MYT1L: variants seen among roughly 807,000 people sequenced by gnomAD.
MYT1L encodes myelin transcription factor 1 like.
Under a neutral mutation model 126.7 loss-of-function variants are expected in MYT1L, and 12 were observed. The ratio of observed to expected loss-of-function variants is 0.09; its 90% CI spans 0.06 to 0.15. The LOEUF is 0.15. MYT1L is among the 10% of genes least tolerant of loss of function. MYT1L has a pLI of 1.00. For synonymous variants in MYT1L, 541 were observed against 604.2 expected (o/e 0.90, Z 1.53); for missense variants, 979 against 1,585.2 (o/e 0.62, Z 6.49).
chr2:2,165,781 A>C (rs1443600670), intron 3 of MYT1L, among the ~76,000 whole-genome samples: 1 of 151,994 alleles, frequency 6.6e-6, no homozygotes, highest in Non-Finnish European at 1.5e-5. Context: ...ATTATTGAAG[A>C]AGTAAATAAG....
intron 3 of MYT1L, among the ~76,000 whole-genome samples, chr2:2,058,272 A>G (rs1235429757): frequency 3.3e-5 from 5 of 152,110 alleles, no homozygotes; most frequent in African/African-American, 1.2e-4. Context: ...TTCTTACTAC[A>G]TTGTTTTAAA....
intron 13 of MYT1L, among the ~76,000 whole-genome samples, chr2:1,905,279 C>G (rs2050894401): frequency 6.6e-6 from 1 of 151,782 alleles, no homozygotes; most frequent in South Asian, 2.1e-4. Flanking sequence ...AAATAAAGAC[C>G]CAACCAAGCA....
At chr2:1,972,064 C>T (rs1258853177) in intron 8 of MYT1L, among the ~76,000 whole-genome samples, 3 of 152,104 alleles carry the variant, frequency 2.0e-5, no homozygotes, top group Non-Finnish European at 2.9e-5. Flanking sequence ...GGGGGTGAGG[C>T]GTACACAATG....
At chr2:1,975,300 GCA>G (rs1264715231) in intron 8 of MYT1L, among the ~76,000 whole-genome samples, 1 of 152,236 alleles carries the variant, frequency 6.6e-6, no homozygotes, top group Admixed American at 6.5e-5. Flanking sequence ...AGCAGATCCC[GCA>G]GCTGTGGCAG....
intron 3 of MYT1L, among the ~76,000 whole-genome samples, chr2:2,083,536 C>T (rs1051470770): frequency 6.6e-6 from 1 of 152,230 alleles, no homozygotes. Flanking sequence ...CTATCCACTG[C>T]CACTGCAAGC....
At chr2:2,057,962 GT>G (rs2069829091) in intron 3 of MYT1L, among the ~76,000 whole-genome samples, 1 of 152,196 alleles carries the variant, frequency 6.6e-6, no homozygotes, top group Non-Finnish European at 1.5e-5. Context: ...ATGCCTGAGA[GT>G]GGGATAGCTG....
intron 2 of MYT1L, among the ~76,000 whole-genome samples, chr2:2,222,546 T>A (rs1222344861): frequency 6.6e-6 from 1 of 152,128 alleles, no homozygotes; most frequent in African/African-American, 2.4e-5. Context: ...AAATTGTGAA[T>A]GATTTTGAAC....
At chr2:2,308,237 C>A (rs549935067) in intron 1 of MYT1L, among the ~76,000 whole-genome samples, 1 of 151,422 alleles carries the variant, frequency 6.6e-6, no homozygotes, top group African/African-American at 2.4e-5. Context: ...ACCTACGCTT[C>A]GGTATACTCT....
At chr2:2,287,425 T>C (rs2095538505) in intron 1 of MYT1L, among the ~76,000 whole-genome samples, 1 of 152,192 alleles carries the variant, frequency 6.6e-6, no homozygotes, top group Non-Finnish European at 1.5e-5. Flanking sequence ...AGCATCCTGG[T>C]GCAAAATTCT....
chr2:1,838,924 A>G (rs377266558), intron 21 of MYT1L, among the ~76,000 whole-genome samples: 15 of 152,350 alleles, frequency 9.8e-5, no homozygotes, highest in African/African-American at 3.6e-4. Context: ...GTGGTCATCT[A>G]TAGATGGGGC....
rs180706196 is a variant in MYT1L at position 2,212,120 on chromosome 2, C to T, written c.-420-39132G>A. On this transcript the variant is annotated intron_variant, in intron 2 of 24. Transcript: ENST00000647738. ...CTGGGAAAATGGCGGTGTCTATATG[C>T]GTATATAAGCTTTATACTTGGAAAC... 6.0e-3 allele frequency among the ~76,000 whole-genome samples: 918 copies of T among 152,160 alleles called. 4 individuals carry two copies. Among genetic ancestry groups the T allele is most frequent in the Non-Finnish European group, 8.2e-3 (560 of 68,002 alleles).
Position 2,059,040 on chromosome 2 carries a change from G to A in MYT1L, c.-303-4917C>T, listed in dbSNP as rs537016537. 4.1e-4 allele frequency among the ~76,000 whole-genome samples: 63 copies of A among 152,310 alleles called. No homozygotes were observed. The highest frequency in any genetic ancestry group is 1.5e-3 in the African/African-American group (61 of 41,574). On this transcript the variant is annotated intron_variant, in intron 3 of 24. Coordinates refer to ENST00000647738, the MANE Select transcript of MYT1L (RefSeq NM_001303052.2). This position sits in a 1 kb window ranked among gnomAD's most constrained non-coding sequence, Gnocchi z 4.7. ...GTGACTGCAGTTTATATAAACTCAA[G>A]GACAATTGGGTCATGTCTGCTGTTT...
At chr2:2,211,785 C>T (rs1572500830) in intron 2 of MYT1L, among the ~76,000 whole-genome samples, 1 of 111,464 alleles carries the variant, frequency 9.0e-6, no homozygotes, top group Admixed American at 1.2e-4. Flanking sequence ...AGCCTGGGGA[C>T]AGAGAGAGAC....
At chr2:1,816,837 G>C (rs1337467773) in intron 21 of MYT1L, 1 of 152,670 alleles carries the variant, frequency 6.6e-6, no homozygotes, top group East Asian at 1.9e-4. Context: ...CCGGCTGGGG[G>C]CCTGGGGCCT....
At chr2:2,276,462 C>T (rs1294123436) in intron 2 of MYT1L, among the ~76,000 whole-genome samples, 1 of 152,146 alleles carries the variant, frequency 6.6e-6, no homozygotes, top group Non-Finnish European at 1.5e-5. Flanking sequence ...CTTTTACAAC[C>T]ACACAAAGAA....
chr2:1,955,353 T>C (rs1426786534), intron 8 of MYT1L, among the ~76,000 whole-genome samples: 1 of 152,138 alleles, frequency 6.6e-6, no homozygotes, highest in African/African-American at 2.4e-5. Context: ...TATTTTTACT[T>C]TGATGATGGA....
At chr2:2,320,376 G>C (rs1031119363) in intron 1 of MYT1L, among the ~76,000 whole-genome samples, 1 of 151,906 alleles carries the variant, frequency 6.6e-6, no homozygotes, top group African/African-American at 2.4e-5. Flanking sequence ...GGGATGGACA[G>C]GGTTAAATTC....
chr2:2,107,427 C>T (rs924790131), intron 3 of MYT1L, among the ~76,000 whole-genome samples: 1 of 152,190 alleles, frequency 6.6e-6, no homozygotes, highest in Non-Finnish European at 1.5e-5. Flanking sequence ...TGTCAGAAAC[C>T]ACCTGCCTGT....
chr2:1,831,249 A>AGATGGAGCTCT, intron 21 of MYT1L, among the ~76,000 whole-genome samples: 1 of 143,392 alleles, frequency 7.0e-6, no homozygotes, highest in African/African-American at 2.5e-5. Flanking sequence ...GAGGACCCCC[A>AGATGGAGCTCT]GCTCCCCAGT....
Sources: gnomAD v4.1 joint callset for allele counts (sites outside exome capture counted in the v4.1 genomes callset) on GRCh38, gnomAD v4.1.1 for gene constraint, Gnocchi (gnomAD v3.1) non-coding constraint, MANE v1.5 for transcripts, NCBI Gene and HGNC (gene_info 2026-07-23, HGNC 2026-07-21) for gene names.